TNFRSF4: variants seen among roughly 807,000 people sequenced by gnomAD.
The protein encoded by TNFRSF4 is tumor necrosis factor receptor superfamily member 4.
A neutral mutation model predicts 29.5 loss-of-function variants in TNFRSF4; 21 were observed. The ratio of observed to expected loss-of-function variants is 0.71; its 90% CI spans 0.51 to 1.03. The LOEUF is 1.03. Among genes scored for constraint, TNFRSF4 ranks in the 50% least tolerant of loss-of-function variants. The pLI, the probability that TNFRSF4 is intolerant of heterozygous loss-of-function variation, is 0.00. For missense variants in TNFRSF4, 408 were observed against 387.8 expected (o/e 1.05, Z -0.44); for synonymous variants, 197 against 172.7 (o/e 1.14, Z -1.10).
At position 1,212,720 on chromosome 1, in the gene TNFRSF4, G is replaced by C. The variant is rs34108055; in HGVS notation, c.371-16C>G. 17,446 of 1,537,038 alleles carry C rather than the reference G, an allele frequency of 0.011. 515 individuals carry two copies. The East Asian group carries it at 0.13, about 11-fold the overall frequency. On this transcript the variant is annotated splice_polypyrimidine_tract_variant and intron_variant, in intron 3 of 6. Transcript: ENST00000379236. ...GGGGCACAGTCTGCAACAAAGATAG[G>C]GTGGTCAGGGGCTGCCCACAGGCCC...
At position 1,211,433 on chromosome 1, in the gene TNFRSF4, G is replaced by A. The variant is rs1055326; in HGVS notation, c.*122C>T. 1.0e-6 allele frequency: 1 copy of A among 998,626 alleles called. No individual in the cohort carries two copies. Among genetic ancestry groups the A allele is most frequent in the Admixed American group, 3.5e-5 (1 of 28,278 alleles). The allele number at this position is 998,626 out of a possible 1,614,324, so 61.9% of individuals were successfully genotyped here. On this transcript the variant is annotated 3_prime_UTR_variant, in exon 7 of 7. Transcript: ENST00000379236. Reference sequence around the variant, plus strand: ...AGCCGGAGGCAGCCATCGGCACCTAGAACGGTGCAGAGTTGGCCCAGGAGC... The same window carrying A: ...AGCCGGAGGCAGCCATCGGCACCTAAAACGGTGCAGAGTTGGCCCAGGAGC...
At chr1:1,212,869 C>G in intron 3 of TNFRSF4, 123 bp downstream of exon 3, 2 of 1,283,352 alleles carry the variant, frequency 1.6e-6, no homozygotes, top group South Asian at 3.0e-5. Flanking sequence ...GACCCGGGAG[C>G]TCGGTCTTGA....
Position 1,213,915 on chromosome 1 carries a change from G to A in TNFRSF4, c.145+68C>T. 3 of 1,413,318 alleles carry A rather than the reference G, an allele frequency of 2.1e-6. No homozygotes were observed. In the South Asian group the frequency reaches 4.1e-5, roughly 19 times the overall value. The allele number at this position is 1,413,318 out of a possible 1,614,324, so 87.5% of individuals were successfully genotyped here. ...CCTCCCCAGGACCAGCCTCCTGGCT[G>A]GCCCATCCCTGCCCCAGCCCCCAGT... On this transcript the variant is annotated intron_variant, in intron 1 of 6. Coordinates refer to ENST00000379236, the MANE Select transcript of TNFRSF4 (RefSeq NM_003327.4).
Position 1,213,017 on chromosome 1 carries a change from G to A in TNFRSF4, c.345C>T (p.Pro115=), listed in dbSNP as rs754915975. ...CAACTCCAGGCTTGTAGCTGTCCAG[G>A]GGCTGGGTGCCCGCCCGGCAGCGGC... is the stretch of plus-strand genomic sequence containing the variant. ...TVCRCRAGTQ[P]LDSYKPGVDC... is the part of the protein sequence containing the mutation. The change falls in exon 3 of 7, where the codon CCC becomes CCT. Residue 115 remains proline (P), a synonymous_variant. Transcript: ENST00000379236. 17 of 1,611,626 alleles carry A rather than the reference G, an allele frequency of 1.1e-5. No homozygotes were observed. The highest frequency in any genetic ancestry group is 1.4e-5 in the Non-Finnish European group (16 of 1,179,544).
rs767897638 is a variant in TNFRSF4 at position 1,213,737 on chromosome 1, C to T, written c.194G>A (p.Arg65His). Reference protein sequence around the residue: ...RCSRSQNTVCRPCGPGFYNDV... With the variant: ...RCSRSQNTVCHPCGPGFYNDV... ...GTTGTAGAAGCCCGGCCCGCACGGA[C>T]GGCACACCGTGTTCTGGGAGCGGCT... The change falls in exon 2 of 7, where the codon CGT (arginine) becomes CAT (histidine). Residue 65 changes from arginine to histidine, a missense_variant. Physicochemically the swap from Arg to His is conservative, Grantham distance 29. Transcript: ENST00000379236. 24 of 1,602,982 alleles carry T rather than the reference C, an allele frequency of 1.5e-5. No homozygotes were observed. Among genetic ancestry groups the T allele is most frequent in the East Asian group, 2.3e-5 (1 of 44,364 alleles).
At chr1:1,212,218 G>A (rs1419713363) in intron 4 of TNFRSF4, 80 bp from the exon 5 acceptor site, 22 of 1,485,642 alleles carry the variant, frequency 1.5e-5, no homozygotes, top group Admixed American at 3.9e-5. Flanking sequence ...CAGGGTCCAC[G>A]CTGGCCAGCC....
Position 1,213,709 on chromosome 1 carries a change from G to A in TNFRSF4, c.222C>T (p.Asp74=), listed in dbSNP as rs541791598. The A allele has an allele frequency of 1.1e-4, 171 of 1,599,050 alleles. 2 individuals are homozygous for A. The South Asian group carries it at 1.7e-3, about 16-fold the overall frequency. ...CRPCGPGFYN[D]VVSSKPCKPC... is the part of the protein sequence containing the mutation. Reference sequence around the variant, plus strand: ...GCTTGCACGGCTTGGAGCTGACCACGTCGTTGTAGAAGCCCGGCCCGCACG... The same window carrying A: ...GCTTGCACGGCTTGGAGCTGACCACATCGTTGTAGAAGCCCGGCCCGCACG... The change falls in exon 2 of 7, where the codon GAC becomes GAT. Residue 74 remains aspartate (D), a synonymous_variant. Coordinates refer to ENST00000379236, the MANE Select transcript of TNFRSF4 (RefSeq NM_003327.4).
intron 2 of TNFRSF4, 105 bp downstream of exon 2, chr1:1,213,557 GT>G: frequency 6.8e-7 from 1 of 1,475,814 alleles, no homozygotes; most frequent in Non-Finnish European, 9.0e-7. Context: ...GTGGTTTGAG[GT>G]TCGTTTCTGC....
At chr1:1,213,392 C>T in intron 2 of TNFRSF4, 1 of 1,532,716 alleles carries the variant, frequency 6.5e-7, no homozygotes, top group Admixed American at 2.0e-5. Context: ...CCCCCAGCCT[C>T]ACTGCTCAGG....
intron 2 of TNFRSF4, chr1:1,213,372 A>C: frequency 2.0e-6 from 3 of 1,529,344 alleles, no homozygotes; most frequent in Non-Finnish European, 2.6e-6. Context: ...CAGGGTCTCC[A>C]TGGCCCAACC....
At chr1:1,213,502 C>T (rs930143586) in intron 2 of TNFRSF4, 161 bp downstream of exon 2, 15 of 1,463,840 alleles carry the variant, frequency 1.0e-5, no homozygotes, top group East Asian at 5.0e-5. Flanking sequence ...CCCTGGGAGA[C>T]GCCTCAGCTC....
chr1:1,211,886 C>T (rs1649138120), intron 5 of TNFRSF4, 54 bp from the exon 6 acceptor site: 2 of 1,506,102 alleles, frequency 1.3e-6, no homozygotes, highest in Non-Finnish European at 1.8e-6. Context: ...CCATGCCGCC[C>T]TCCCCTTCTC....
At chr1:1,213,490 GC>G (rs1649295397) in intron 2 of TNFRSF4, 172 bp downstream of exon 2, 2 of 1,469,862 alleles carry the variant, frequency 1.4e-6, no homozygotes, top group Non-Finnish European at 9.0e-7. Context: ...GAGAGGGGGT[GC>G]CCCTGGGAGA....
rs949595949 is a variant in TNFRSF4 at position 1,213,138 on chromosome 1, A to G, written c.269-45T>C. ...GGGGGTGGTCAGGTGGGGGCTGTGGACAGGGTCCTCAGGAAGCGTGGGCAC... is the reference window on the plus strand; with the variant it reads ...GGGGGTGGTCAGGTGGGGGCTGTGGGCAGGGTCCTCAGGAAGCGTGGGCAC... On this transcript the variant is annotated intron_variant, in intron 2 of 6. Coordinates refer to ENST00000379236, the MANE Select transcript of TNFRSF4 (RefSeq NM_003327.4). 3 of 1,573,710 alleles carry G rather than the reference A, an allele frequency of 1.9e-6. No individual in the cohort carries two copies. The African/African-American group carries it at 4.0e-5, about 21-fold the overall frequency.
intron 2 of TNFRSF4, chr1:1,213,318 T>G: frequency 6.6e-7 from 1 of 1,522,734 alleles, no homozygotes. Context: ...CCAGCCACCC[T>G]TCCCTACCCC....
chr1:1,213,957 C>A (rs371914289), intron 1 of TNFRSF4, 26 bp downstream of exon 1: 6 of 1,532,418 alleles, frequency 3.9e-6, no homozygotes, highest in Non-Finnish European at 5.3e-6. Context: ...AGTGCCCGTG[C>A]GTGGCGACCC....
Position 1,213,029 on chromosome 1 carries a change from C to T in TNFRSF4, c.333G>A (p.Ala111=), listed in dbSNP as rs142751158. ...ATQDTVCRCR[A]GTQPLDSYKP... is the part of the protein sequence containing the mutation. Reference sequence around the variant, plus strand: ...TGTAGCTGTCCAGGGGCTGGGTGCCCGCCCGGCAGCGGCAGACTGTGTCCT... The same window carrying T: ...TGTAGCTGTCCAGGGGCTGGGTGCCTGCCCGGCAGCGGCAGACTGTGTCCT... The change falls in exon 3 of 7, where the codon GCG becomes GCA. Residue 111 remains alanine, a synonymous_variant. Coordinates refer to ENST00000379236, the MANE Select transcript of TNFRSF4 (RefSeq NM_003327.4). 101 of 1,611,586 alleles carry T rather than the reference C, an allele frequency of 6.3e-5. No homozygotes were observed. The highest frequency in any genetic ancestry group is 5.7e-4 in the African/African-American group (43 of 75,044).
chr1:1,213,875 G>GCCCCCCCCCC, intron 1 of TNFRSF4, 90 bp from the exon 2 acceptor site: 1 of 1,465,048 alleles, frequency 6.8e-7, no homozygotes, highest in Non-Finnish European at 9.1e-7. Flanking sequence ...GGCTTGGCCG[G>GCCCCCCCCCC]CCCCTCACCC....
chr1:1,211,687 G>T lies in TNFRSF4; in HGVS notation c.763+17C>A, dbSNP rs1649115506. 1.3e-6 allele frequency: 2 copies of T among 1,589,154 alleles called. No individual in the cohort carries two copies. Among genetic ancestry groups the T allele is most frequent in the Non-Finnish European group, 1.7e-6 (2 of 1,167,510 alleles). ...TCACCCGCCAGGAGCAGTGCGGCAG[G>T]GCCATGAGGCACTCACCAGGGGGCT... On this transcript the variant is annotated intron_variant, in intron 6 of 6. Coordinates refer to ENST00000379236, the MANE Select transcript of TNFRSF4 (RefSeq NM_003327.4).
Sources: allele counts gnomAD v4.1 joint callset, GRCh38; gene constraint gnomAD v4.1.1; transcripts MANE v1.5; gene names NCBI Gene and HGNC (gene_info 2026-07-23, HGNC 2026-07-21).